NAV3: variants seen among roughly 807,000 people sequenced by gnomAD.
NAV3 encodes pore membrane and/or filament interacting like protein 1.
A neutral mutation model predicts 244.7 loss-of-function variants in NAV3; 87 were observed. That is an observed-to-expected ratio of 0.36 (90% CI 0.30 to 0.42). The LOEUF is 0.42. Among genes scored for constraint, NAV3 ranks in the 20% least tolerant of loss-of-function variants. NAV3 has a pLI of 1.00. For synonymous variants in NAV3, 1,126 were observed against 1,042.2 expected (o/e 1.08, Z -1.55); for missense variants, 2,663 against 2,893.3 (o/e 0.92, Z 1.83).
intron 2 of NAV3, among the ~76,000 whole-genome samples, chr12:77,650,787 G>C (rs1872787796): frequency 6.6e-6 from 1 of 151,746 alleles, no homozygotes; most frequent in Non-Finnish European, 1.5e-5. Flanking sequence ...TCCTTTTTAT[G>C]GTATTGTCTA....
chr12:77,826,622 CTAA>C (rs1873033193), upstream of NAV3, among the ~76,000 whole-genome samples: 1 of 152,150 alleles, frequency 6.6e-6, no homozygotes, highest in Non-Finnish European at 1.5e-5. Context: ...AAAGAAAGAA[CTAA>C]TGTTACATAT....
At chr12:77,918,624 AG>A (rs1887397784) in intron 1 of NAV3, among the ~76,000 whole-genome samples, 1 of 151,988 alleles carries the variant, frequency 6.6e-6, no homozygotes, top group African/African-American at 2.4e-5. Context: ...GCTGCCCATC[AG>A]CTAGGTGATA....
intron 16 of NAV3, among the ~76,000 whole-genome samples, chr12:78,123,438 T>A (rs895868503): frequency 6.6e-6 from 1 of 152,072 alleles, no homozygotes; most frequent in Non-Finnish European, 1.5e-5. Context: ...TTTTTAAACA[T>A]CAATTAAAGC....
intron 12 of NAV3, among the ~76,000 whole-genome samples, chr12:78,081,661 T>G (rs1953359836): frequency 6.6e-6 from 1 of 152,182 alleles, no homozygotes; most frequent in Non-Finnish European, 1.5e-5. Context: ...GAGGCTCATC[T>G]GAGGTGTTAT....
chr12:77,578,933 T>G (rs948276287), intron 2 of NAV3, among the ~76,000 whole-genome samples: 12 of 152,114 alleles, frequency 7.9e-5, no homozygotes, highest in African/African-American at 2.9e-4. Context: ...TAGGAGACAT[T>G]TATTGAATCA....
At chr12:77,909,521 G>T (rs997574535) in intron 1 of NAV3, among the ~76,000 whole-genome samples, 1 of 151,956 alleles carries the variant, frequency 6.6e-6, no homozygotes, top group South Asian at 2.1e-4. Flanking sequence ...TGGAAAAAAG[G>T]CAGATTAGCT....
chr12:78,195,065 C>A (rs1959144225), intron 34 of NAV3, among the ~76,000 whole-genome samples: 1 of 151,864 alleles, frequency 6.6e-6, no homozygotes, highest in Non-Finnish European at 1.5e-5. Flanking sequence ...ATGCTATTTC[C>A]TTTTCTAATT....
At chr12:77,783,914 G>A (rs1276023481) in intron 2 of NAV3, among the ~76,000 whole-genome samples, 1 of 152,122 alleles carries the variant, frequency 6.6e-6, no homozygotes, top group Admixed American at 6.6e-5. Flanking sequence ...TCATGGGTGT[G>A]TGTGTCAGGG....
In NAV3 at chr12:77,904,575, A is replaced by T. The variant is rs1885745750; in HGVS notation, c.244-35744A>T. ...GAGTTAATGGGTGCAGCACACCAAC[A>T]TGGCACATGTATACATATGTAACAA... is the stretch of plus-strand genomic sequence containing the variant. On this transcript the variant is annotated intron_variant, in intron 1 of 39. Coordinates refer to ENST00000397909, the MANE Select transcript of NAV3 (RefSeq NM_001024383.2). Among the ~76,000 whole-genome samples the T allele has an allele frequency of 5.9e-5, 9 of 152,210 alleles. 1 individual carries two copies. The highest frequency in any genetic ancestry group is 5.9e-4 in the Admixed American group (9 of 15,284).
Position 77,867,576 on chromosome 12 carries a change from C to T in NAV3, c.243+35872C>T, listed in dbSNP as rs577525072. On this transcript the variant is annotated intron_variant, in intron 1 of 39. Transcript: ENST00000397909. ...CTGGGACTACAAGCGCCCGCCACCA[C>T]GCCCGGCTAATTTTTTTGCATTTTT... Among the ~76,000 whole-genome samples the T allele has an allele frequency of 1.1e-4, 16 of 152,166 alleles. No homozygotes were observed. The East Asian group carries it at 1.6e-3, about 15-fold the overall frequency.
At chr12:77,827,116 C>T (rs1873082877), upstream of NAV3, among the ~76,000 whole-genome samples, 1 of 151,802 alleles carries the variant, frequency 6.6e-6, no homozygotes, top group Non-Finnish European at 1.5e-5. Context: ...GCCTGTAATC[C>T]CAGCTGCTTG....
At chr12:78,130,149 GA>G (rs1345183174) in intron 18 of NAV3, among the ~76,000 whole-genome samples, 4 of 152,046 alleles carry the variant, frequency 2.6e-5, no homozygotes, top group Non-Finnish European at 5.9e-5. Context: ...CTAGTTTGGG[GA>G]CTATTTTGCC....
chr12:78,196,915 A>C (rs1959182522), intron 34 of NAV3, among the ~76,000 whole-genome samples: 1 of 151,958 alleles, frequency 6.6e-6, no homozygotes, highest in Admixed American at 6.6e-5. Context: ...GTTTATCATA[A>C]GAGTTCATAT....
At chr12:77,701,250 T>TA (rs1467620257) in intron 2 of NAV3, among the ~76,000 whole-genome samples, 2 of 151,978 alleles carry the variant, frequency 1.3e-5, no homozygotes, top group African/African-American at 4.8e-5. Context: ...ATTTAGTTTT[T>TA]ATCTTTGTAT....
At chr12:77,916,738 A>G (rs1887187843) in intron 1 of NAV3, among the ~76,000 whole-genome samples, 1 of 152,088 alleles carries the variant, frequency 6.6e-6, no homozygotes, top group Non-Finnish European at 1.5e-5. Context: ...GATTTTCATT[A>G]TGATCAGACA....
chr12:77,931,512 G>T (rs571996528), intron 1 of NAV3, among the ~76,000 whole-genome samples: 1 of 152,016 alleles, frequency 6.6e-6, no homozygotes, highest in East Asian at 1.9e-4. Flanking sequence ...TTATTTCAGA[G>T]AATTTTATCA....
intron 7 of NAV3, 117 bp downstream of exon 7, chr12:77,998,593 T>A (rs898349230): frequency 9.4e-7 from 1 of 1,068,448 alleles, no homozygotes; most frequent in Non-Finnish European, 1.3e-6. Context: ...ATCAGTGGAG[T>A]TTCTTTATGT....
intron 2 of NAV3, among the ~76,000 whole-genome samples, chr12:77,639,961 T>C (rs745776591): frequency 1.3e-5 from 2 of 152,070 alleles, no homozygotes; most frequent in Non-Finnish European, 2.9e-5. Flanking sequence ...AGAGAAGAGT[T>C]TAGAGCAATC....
intron 2 of NAV3, among the ~76,000 whole-genome samples, chr12:77,778,011 G>A (rs1017191893): frequency 2.6e-5 from 4 of 151,840 alleles, no homozygotes; most frequent in Non-Finnish European, 4.4e-5. Context: ...TCACCATGTT[G>A]GTCAGGCTGG....
Sources: gnomAD v4.1 joint callset for allele counts (sites outside exome capture counted in the v4.1 genomes callset) on GRCh38, gnomAD v4.1.1 for gene constraint, MANE v1.5 for transcripts, NCBI Gene and HGNC (gene_info 2026-07-23, HGNC 2026-07-21) for gene names.